PDE1C: variants seen among roughly 807,000 people sequenced by gnomAD.
PDE1C encodes phosphodiesterase 1C.
Under a neutral mutation model 93.1 loss-of-function variants are expected in PDE1C, and 62 were observed. The observed-to-expected ratio is 0.67, with a 90% CI of 0.54 to 0.82. The LOEUF is 0.82. Among genes scored for constraint, PDE1C ranks in the 40% least tolerant of loss-of-function variants. PDE1C has a pLI of 0.00. For synonymous variants in PDE1C, 325 were observed against 310.1 expected, an observed-to-expected ratio of 1.05 and a Z score of -0.50; for missense variants, 742 against 884.6, an observed-to-expected ratio of 0.84 and a Z score of 2.04.
At chr7:31,881,260 A>G (rs1392100976) in intron 2 of PDE1C, among the ~76,000 whole-genome samples, 5 of 152,328 alleles carry the variant, frequency 3.3e-5, no homozygotes, top group Admixed American at 1.3e-4. Flanking sequence ...CAGTGGCCCC[A>G]GATAATGGCA....
chr7:31,812,247 T>G (rs1466759388), intron 15 of PDE1C, among the ~76,000 whole-genome samples: 3 of 152,192 alleles, frequency 2.0e-5, no homozygotes, highest in Non-Finnish European at 2.9e-5. Flanking sequence ...AGCACAGTTG[T>G]GAAATCAAGC....
intron 1 of PDE1C, among the ~76,000 whole-genome samples, chr7:32,231,331 G>A (rs192702840): frequency 1.8e-4 from 27 of 151,744 alleles, no homozygotes; most frequent in Admixed American, 7.2e-4. Context: ...ACACACACGC[G>A]CACGTGCACA....
At chr7:31,761,214 T>C (rs1794816444) in intron 17 of PDE1C, among the ~76,000 whole-genome samples, 1 of 150,354 alleles carries the variant, frequency 6.7e-6, no homozygotes, top group African/African-American at 2.5e-5. Context: ...ATATCTAAAA[T>C]AATCTTGTAC....
chr7:31,747,081 A>C (rs1387165687), downstream of PDE1C, among the ~76,000 whole-genome samples: 1 of 152,190 alleles, frequency 6.6e-6, no homozygotes, highest in African/African-American at 2.4e-5. Context: ...GTTGAGAAGA[A>C]TCATGCCATT....
chr7:32,334,161 T>C (rs1307299519), intron 1 of PDE1C, among the ~76,000 whole-genome samples: 1 of 152,208 alleles, frequency 6.6e-6, no homozygotes, highest in Non-Finnish European at 1.5e-5. Context: ...ATCAAATTTC[T>C]TTCAGTAAAA....
chr7:31,778,975 TG>T (rs1372650352), intron 16 of PDE1C, among the ~76,000 whole-genome samples: 8 of 152,298 alleles, frequency 5.3e-5, no homozygotes, highest in Admixed American at 2.6e-4. Context: ...ACCCATTGTC[TG>T]GGTTTCCTTC....
At chr7:31,713,793 C>G in the PDE1C span, among the ~76,000 whole-genome samples, 1 of 152,238 alleles carries the variant, frequency 6.6e-6, no homozygotes, top group African/African-American at 2.4e-5. Context: ...TCTGAAGCCA[C>G]AGCCTGAGCT....
At chr7:31,912,565 T>C (rs1450107216) in intron 2 of PDE1C, among the ~76,000 whole-genome samples, 2 of 152,032 alleles carry the variant, frequency 1.3e-5, no homozygotes, top group African/African-American at 4.8e-5. Flanking sequence ...TGCACAGCTG[T>C]AGTCCTAACT....
chr7:31,673,344 T>C, the PDE1C span, among the ~76,000 whole-genome samples: 125,140 of 152,122 alleles, frequency 0.82, 52,040 homozygotes, highest in African/African-American at 0.95. Flanking sequence ...AGTTCAATTG[T>C]TGCAGAAGTT....
chr7:31,668,660 G>T, the PDE1C span, among the ~76,000 whole-genome samples: 1 of 152,170 alleles, frequency 6.6e-6, no homozygotes. Flanking sequence ...CTTAGCGGTT[G>T]TCTACGGCTG....
intron 15 of PDE1C, among the ~76,000 whole-genome samples, chr7:31,814,799 A>G (rs76335707): frequency 0.027 from 4,112 of 151,264 alleles, 67 homozygotes; most frequent in East Asian, 0.068. Flanking sequence ...TGTGCTGTGA[A>G]TAGGTATTAC....
the PDE1C span, among the ~76,000 whole-genome samples, chr7:31,661,511 G>T: frequency 6.6e-6 from 1 of 151,946 alleles, no homozygotes; most frequent in African/African-American, 2.4e-5. Flanking sequence ...TCAGGAGTTC[G>T]AGACCAGCCT....
At chr7:32,295,884 ACT>A (rs1435245209) in intron 1 of PDE1C, among the ~76,000 whole-genome samples, 10 of 112,388 alleles carry the variant, frequency 8.9e-5, no homozygotes, top group South Asian at 3.4e-4. Context: ...AGAGAGCGAG[ACT>A]CTGTCTCAAA....
At chr7:32,014,673 A>G (rs1787645178) in intron 2 of PDE1C, among the ~76,000 whole-genome samples, 1 of 151,886 alleles carries the variant, frequency 6.6e-6, no homozygotes, top group Admixed American at 6.6e-5. Flanking sequence ...ATGTGTTCTC[A>G]TTGTTCAACT....
intron 2 of PDE1C, among the ~76,000 whole-genome samples, chr7:32,174,054 G>T (rs751113821): frequency 1.3e-5 from 2 of 151,908 alleles, no homozygotes; most frequent in East Asian, 3.9e-4. Flanking sequence ...GTTTTTTAAG[G>T]GCCCTACACA....
At chr7:31,800,232 A>C (rs1033668143) in intron 16 of PDE1C, among the ~76,000 whole-genome samples, 9 of 151,534 alleles carry the variant, frequency 5.9e-5, no homozygotes, top group African/African-American at 2.2e-4. Flanking sequence ...TTATTCTCCT[A>C]ATAGAGGCTT....
chr7:32,358,897 C>CTGTCTGTGTGTGTGTGTGTG (rs1784081138), intron 1 of PDE1C, among the ~76,000 whole-genome samples: 1 of 145,300 alleles, frequency 6.9e-6, no homozygotes, highest in Non-Finnish European at 1.5e-5. Flanking sequence ...GTGTGTGTGT[C>CTGTCTGTGTGTGTGTGTGTG]TGTGTGTGTG....
intron 2 of PDE1C, among the ~76,000 whole-genome samples, chr7:31,923,594 T>C (rs1238378110): frequency 6.6e-6 from 1 of 152,090 alleles, no homozygotes; most frequent in Non-Finnish European, 1.5e-5. Context: ...ATTGGAAATA[T>C]TTTTTGTCAA....
chr7:31,743,577 A>T, the PDE1C span, among the ~76,000 whole-genome samples: 1 of 130,108 alleles, frequency 7.7e-6, no homozygotes, highest in African/African-American at 2.9e-5. Flanking sequence ...GTGTGTGCGC[A>T]CACACACACA....
Sources: gnomAD v4.1 joint callset for allele counts (sites outside exome capture counted in the v4.1 genomes callset) on GRCh38, gnomAD v4.1.1 for gene constraint, MANE v1.5 for transcripts, NCBI Gene and HGNC (gene_info 2026-07-23, HGNC 2026-07-21) for gene names.